LPIN1: variants seen among roughly 807,000 people sequenced by gnomAD.
The protein encoded by LPIN1 is lipin 1, also known as phosphatidate phosphatase LPIN1.
Under a neutral mutation model 107.5 loss-of-function variants are expected in LPIN1, and 71 were observed. The observed-to-expected ratio is 0.66, with a 90% CI of 0.55 to 0.80. The LOEUF is 0.80. Ranked by LOEUF, LPIN1 falls within the 30% of genes least tolerant of loss-of-function variation. LPIN1 has a pLI of 0.00. For synonymous variants in LPIN1, 445 were observed against 452.6 expected, an observed-to-expected ratio of 0.98 and a Z score of 0.21; for missense variants, 1,043 against 1,160.6, an observed-to-expected ratio of 0.90 and a Z score of 1.47.
chr2:11,708,081 C>T (rs912440760), intron 1 of LPIN1, among the ~76,000 whole-genome samples: 1 of 151,976 alleles, frequency 6.6e-6, no homozygotes, highest in East Asian at 1.9e-4. Context: ...TCACCTAGAC[C>T]CTTGGAGGTC....
Position 11,752,433 on chromosome 2 carries a change from A to AT in LPIN1, c.-10+5778dup, listed in dbSNP as rs34156190. On this transcript the variant is annotated intron_variant, in intron 1 of 20. Transcript: ENST00000674199. Reference sequence around the variant, plus strand: ...TTTTCTTTTGAGCTGTTCCAAGGCCATTTTTTTTTTTTTTTTGAGACGGAG... The same window carrying AT: ...TTTTCTTTTGAGCTGTTCCAAGGCCATTTTTTTTTTTTTTTTTGAGACGGAG... 2.3e-3 allele frequency among the ~76,000 whole-genome samples: 234 copies of AT among 103,858 alleles called. 8 individuals carry two copies. Among genetic ancestry groups the AT allele is most frequent in the East Asian group, 3.2e-3 (14 of 4,430 alleles). 68.1% of individuals were successfully genotyped at this position (103,858 alleles called of 152,430 possible).
At chr2:11,785,796 C>T (rs1274793390) in intron 10 of LPIN1, among the ~76,000 whole-genome samples, 1 of 152,232 alleles carries the variant, frequency 6.6e-6, no homozygotes, top group Non-Finnish European at 1.5e-5. Context: ...GAGACTCCTG[C>T]CTCCACCCTG....
chr2:11,783,946 C>T, intron 9 of LPIN1, 24 bp downstream of exon 9: 1 of 1,613,588 alleles, frequency 6.2e-7, no homozygotes, highest in South Asian at 1.1e-5. Context: ...TAATTCCTCA[C>T]ATCATTTCCT....
At chr2:11,719,842 A>G (rs186594272), upstream of LPIN1, among the ~76,000 whole-genome samples, 2 of 148,018 alleles carry the variant, frequency 1.4e-5, no homozygotes, top group Admixed American at 1.4e-4. Flanking sequence ...TGGATTAGCG[A>G]CAGGCACTAG....
Position 11,750,616 on chromosome 2 carries a change from A to G in LPIN1, c.-10+3945A>G, listed in dbSNP as rs147774852. ...GCATGTGCTTTGAAAAGTACTTTAC[A>G]TTTACTGCCTCACAACAGTCCTATG... On this transcript the variant is annotated intron_variant, in intron 1 of 20. Coordinates refer to ENST00000674199, the MANE Select transcript of LPIN1 (RefSeq NM_001349206.2). Among the ~76,000 whole-genome samples, 8 of 152,300 alleles carry G rather than the reference A, an allele frequency of 5.3e-5. No homozygotes were observed. The East Asian group carries it at 1.5e-3, about 29-fold the overall frequency.
At chr2:11,699,078 T>TA (rs1035114247) in intron 1 of LPIN1, among the ~76,000 whole-genome samples, 6 of 152,100 alleles carry the variant, frequency 3.9e-5, no homozygotes, top group South Asian at 2.1e-4. Flanking sequence ...TTTCTTCAAT[T>TA]AAAAAAAATG....
At chr2:11,792,109 T>G in intron 13 of LPIN1, 103 bp downstream of exon 13, 7 of 954,214 alleles carry the variant, frequency 7.3e-6, no homozygotes, top group Non-Finnish European at 1.1e-5. Context: ...AGATAGGCCC[T>G]AGTGCTGAGT....
rs760311103 is a variant in LPIN1, at chr2:11,767,858, G to A, written c.288G>A (p.Gln96=). 14 of 1,594,620 alleles carry A rather than the reference G, an allele frequency of 8.8e-6. No individual in the cohort carries two copies. In the East Asian group the frequency reaches 3.1e-4, roughly 36 times the overall value. Residue 96 remains glutamine, a splice_region_variant and synonymous_variant, in exon 3 of 21, where the codon CAG becomes CAA. Transcript: ENST00000674199. ...TTGTTCAAGAAACAGATAATGATCA[G>A]GTAAGGAAGCCTGGGTGGTCAGGGT... ...AFFVQETDND[Q]EVIPMHLATS...
In LPIN1 at chr2:11,803,154, C is replaced by A. The variant is rs182720452; in HGVS notation, c.2013+121C>A. ...GTCACCTTTCATCCCAGGGGGCCTG[C>A]AATCCCTCAACTGGGTACCCGCTGT... is the stretch of plus-strand genomic sequence containing the variant. On this transcript the variant is annotated intron_variant, in intron 15 of 20. Coordinates refer to ENST00000674199, the MANE Select transcript of LPIN1 (RefSeq NM_001349206.2). The surrounding 1 kb of genome is among the most constrained non-coding windows in gnomAD (Gnocchi z 4.2). The A allele has an allele frequency of 1.5e-3, 2,030 of 1,366,298 alleles. 32 individuals are homozygous for A. In the African/African-American group the frequency reaches 0.024, roughly 16 times the overall value. 84.6% of individuals were successfully genotyped at this position (1,366,298 alleles called of 1,614,324 possible).
At chr2:11,686,678 G>A (rs1662021435) in intron 1 of LPIN1, among the ~76,000 whole-genome samples, 1 of 152,170 alleles carries the variant, frequency 6.6e-6, no homozygotes, top group Non-Finnish European at 1.5e-5. Flanking sequence ...AGCGAGCAAC[G>A]AGATGCCTGT....
At chr2:11,715,586 A>G (rs12692445) in intron 2 of LPIN1, among the ~76,000 whole-genome samples, 64,773 of 152,076 alleles carry the variant, frequency 0.43, 15,663 homozygotes, top group South Asian at 0.62. Flanking sequence ...CTGAGCAGAA[A>G]GTGCTTGCTG....
At position 11,827,186 on chromosome 2, in the gene LPIN1, A is replaced by G. The variant is rs1167012435; in HGVS notation, c.*2395A>G. The G allele has an allele frequency of 6.6e-6, 1 of 152,670 alleles. No homozygotes were observed. The highest frequency in any genetic ancestry group is 1.5e-5 in the Non-Finnish European group (1 of 68,048). 9.5% of individuals were successfully genotyped at this position (152,670 alleles called of 1,614,324 possible). A position where few individuals can be genotyped will look rare whatever the true frequency, so the allele number is the denominator to read the frequency against. ...ATGTATACCTGGCATAGAGAAAAAT[A>G]TATACCTGGTACATTGGAGAAAAAT... On this transcript the variant is annotated 3_prime_UTR_variant, in exon 21 of 21. Coordinates refer to ENST00000674199, the MANE Select transcript of LPIN1 (RefSeq NM_001349206.2). The surrounding 1 kb of genome is among the most constrained non-coding windows in gnomAD (Gnocchi z 4.1).
At chr2:11,791,740 G>C in intron 12 of LPIN1, 174 bp from the exon 13 acceptor site, 1 of 1,459,606 alleles carries the variant, frequency 6.9e-7, no homozygotes, top group Non-Finnish European at 9.2e-7. Context: ...ATGTAATTTT[G>C]GACGCCATTA....
At chr2:11,749,408 C>G (rs952460432) in intron 1 of LPIN1, among the ~76,000 whole-genome samples, 2 of 152,162 alleles carry the variant, frequency 1.3e-5, no homozygotes, top group Admixed American at 6.5e-5. Flanking sequence ...CTGCTGGGGT[C>G]CGAAGCAAGT....
At chr2:11,791,836 G>T in intron 12 of LPIN1, 78 bp from the exon 13 acceptor site, 1 of 1,566,212 alleles carries the variant, frequency 6.4e-7, no homozygotes, top group Non-Finnish European at 8.7e-7. Flanking sequence ...TAATTTGCAT[G>T]TATGTTTCTT....
At chr2:11,822,218 G>T (rs556872739) in intron 20 of LPIN1, among the ~76,000 whole-genome samples, 1 of 149,488 alleles carries the variant, frequency 6.7e-6, no homozygotes, top group South Asian at 2.1e-4. Context: ...ATCACCTGAG[G>T]TCAGGAGTTC....
intron 1 of LPIN1, among the ~76,000 whole-genome samples, chr2:11,728,901 C>A (rs1664925578): frequency 6.6e-6 from 1 of 152,074 alleles, no homozygotes; most frequent in Non-Finnish European, 1.5e-5. Flanking sequence ...GGATATTAGA[C>A]CTTCATGAGA....
intron 12 of LPIN1, among the ~76,000 whole-genome samples, chr2:11,791,150 A>T (rs1044909602): frequency 3.9e-5 from 6 of 152,216 alleles, no homozygotes; most frequent in Non-Finnish European, 8.8e-5. Context: ...CTACATAGTA[A>T]ATTACTTATC....
At chr2:11,790,287 G>T (rs1004668635) in intron 12 of LPIN1, among the ~76,000 whole-genome samples, 2 of 152,086 alleles carry the variant, frequency 1.3e-5, no homozygotes, top group Non-Finnish European at 1.5e-5. Flanking sequence ...GATCTTAGAG[G>T]TTGGCAGTTT....
Sources: gnomAD v4.1 joint callset for allele counts (sites outside exome capture counted in the v4.1 genomes callset) on GRCh38, gnomAD v4.1.1 for gene constraint, Gnocchi (gnomAD v3.1) non-coding constraint, MANE v1.5 for transcripts, NCBI Gene and HGNC (gene_info 2026-07-23, HGNC 2026-07-21) for gene names.